Variants in METTL6 observed in about 807,000 individuals in gnomAD.
METTL6 encodes tRNA N(3)-cytidine methyltransferase METTL6.
In METTL6, 22 loss-of-function variants were observed where a neutral mutation model predicts 26.4. The observed-to-expected ratio is 0.83, with a 90% CI of 0.59 to 1.19. METTL6 has a LOEUF of 1.19. METTL6 is among the 50% of genes most tolerant of loss of function. METTL6 has a pLI of 0.00. For synonymous variants in METTL6, 109 were observed against 116.2 expected (o/e 0.94, Z 0.40); for missense variants, 304 against 324.8 (o/e 0.94, Z 0.49).
downstream of METTL6, among the ~76,000 whole-genome samples, chr3:15,405,433 A>G (rs1001280725): frequency 5.9e-5 from 9 of 152,226 alleles, no homozygotes; most frequent in African/African-American, 2.2e-4. Flanking sequence ...AATATTTTCT[A>G]TGCTCTTCAA....
downstream of METTL6, among the ~76,000 whole-genome samples, chr3:15,407,483 AGAC>A (rs1262501227): frequency 6.6e-6 from 1 of 152,238 alleles, no homozygotes; most frequent in African/African-American, 2.4e-5. Context: ...TGGCAAAGGA[AGAC>A]GACTTCATCA....
At chr3:15,391,731 G>A (rs1411614710) in intron 6 of METTL6, among the ~76,000 whole-genome samples, 1 of 140,748 alleles carries the variant, frequency 7.1e-6, no homozygotes, top group African/African-American at 2.7e-5. Flanking sequence ...TCCCACCTAT[G>A]AGTGAGAACA....
intron 5 of METTL6, among the ~76,000 whole-genome samples, chr3:15,412,755 A>C (rs1215897562): frequency 6.6e-6 from 1 of 151,928 alleles, no homozygotes; most frequent in East Asian, 1.9e-4. Flanking sequence ...CTCCCAAATA[A>C]TTTTGCAGCT....
chr3:15,422,647 T>A (rs1362422861), intron 3 of METTL6, among the ~76,000 whole-genome samples: 1 of 151,820 alleles, frequency 6.6e-6, no homozygotes, highest in Non-Finnish European at 1.5e-5. Context: ...ATAATAAGAT[T>A]AACTTAAAAA....
At chr3:15,415,043 A>AAAC (rs1559492053) in intron 4 of METTL6, 39 of 759,236 alleles carry the variant, frequency 5.1e-5, no homozygotes, top group East Asian at 4.2e-4. Context: ...GTCTCTTAAA[A>AAAC]AAACAAACAA....
At chr3:15,414,747 A>C in intron 4 of METTL6, 1 of 422,286 alleles carries the variant, frequency 2.4e-6, no homozygotes, top group South Asian at 1.8e-5. Context: ...ATATAGTGAG[A>C]CCCCATCTCT....
intron 3 of METTL6, among the ~76,000 whole-genome samples, chr3:15,421,193 GTTTA>G (rs2061604552): frequency 1.3e-5 from 2 of 152,146 alleles, no homozygotes; most frequent in Admixed American, 6.5e-5. Context: ...TGTGGACAGA[GTTTA>G]TTATTTTGCA....
intron 6 of METTL6, among the ~76,000 whole-genome samples, chr3:15,388,483 G>C (rs749203256): frequency 4.6e-5 from 7 of 152,114 alleles, no homozygotes; most frequent in African/African-American, 7.2e-5. Flanking sequence ...TGATTGATCA[G>C]GTCAGAGATA....
At position 15,413,676 on chromosome 3, in the gene METTL6, T is replaced by C. The variant is rs1310132467; in HGVS notation, c.673+345A>G. On this transcript the variant is annotated intron_variant, in intron 5 of 5. Coordinates refer to ENST00000383790, the MANE Select transcript of METTL6 (RefSeq NM_152396.4). ...AAAGTAATCTCAAGGCATTATACTG[T>C]CAAATTTGCTTTATTTTTAACTGGA... The C allele has an allele frequency of 1.1e-5, 13 of 1,216,472 alleles. No homozygotes were observed. The East Asian group carries it at 6.4e-4, about 59-fold the overall frequency. The allele number at this position is 1,216,472 out of a possible 1,614,324, so 75.4% of individuals were successfully genotyped here.
chr3:15,392,748 T>C (rs912617706), intron 6 of METTL6, among the ~76,000 whole-genome samples: 1 of 152,348 alleles, frequency 6.6e-6, no homozygotes, highest in African/African-American at 2.4e-5. Flanking sequence ...ATTTATTAAA[T>C]AGGGAATCCT....
chr3:15,414,525 T>A (rs1460114328), intron 4 of METTL6: 1 of 282,618 alleles, frequency 3.5e-6, no homozygotes, highest in Non-Finnish European at 6.3e-6. Flanking sequence ...CCGGCTAATT[T>A]TTGTATTTTA....
At position 15,417,452 on chromosome 3, in the gene METTL6, AAAATAAATAAATAAAT is replaced by A. The variant is rs35596746; in HGVS notation, c.361-1526_361-1511del. ...CCTGCATGATAGAGACTCTGTCTCA[AAAATAAATAAATAAAT>A]AAATAAATAAATAAATAAAATAGAA... On this transcript the variant is annotated intron_variant, in intron 3 of 5. Coordinates refer to ENST00000383790, the MANE Select transcript of METTL6 (RefSeq NM_152396.4). Among the ~76,000 whole-genome samples the A allele has an allele frequency of 4.2e-5, 6 of 142,610 alleles. No homozygotes were observed. The South Asian group carries it at 6.8e-4, about 16-fold the overall frequency. The allele number at this position is 142,610 out of a possible 152,430, so 93.6% of individuals were successfully genotyped here.
At chr3:15,421,801 A>C (rs2061616527) in intron 3 of METTL6, among the ~76,000 whole-genome samples, 1 of 152,154 alleles carries the variant, frequency 6.6e-6, no homozygotes, top group South Asian at 2.1e-4. Context: ...AATCCCAGCT[A>C]CTTGGGAGGC....
downstream of METTL6, among the ~76,000 whole-genome samples, chr3:15,406,849 C>T (rs1575409876): frequency 6.6e-6 from 1 of 151,816 alleles, no homozygotes; most frequent in Non-Finnish European, 1.5e-5. Context: ...AAGCTAGTCT[C>T]GAACTCCTGA....
intron 6 of METTL6, among the ~76,000 whole-genome samples, chr3:15,400,562 T>C (rs915614376): frequency 6.6e-6 from 1 of 152,210 alleles, no homozygotes; most frequent in Non-Finnish European, 1.5e-5. Flanking sequence ...ATTTAGCTCA[T>C]GGTGGGTAGG....
chr3:15,411,877 C>T (rs984389382), intron 5 of METTL6, among the ~76,000 whole-genome samples: 1 of 152,018 alleles, frequency 6.6e-6, no homozygotes, highest in East Asian at 1.9e-4. Flanking sequence ...ATTCTCCTGC[C>T]TCAGCCTCTT....
chr3:15,423,066 G>T (rs1040725570), intron 3 of METTL6, among the ~76,000 whole-genome samples: 3 of 152,184 alleles, frequency 2.0e-5, no homozygotes, highest in African/African-American at 7.2e-5. Context: ...AGAGGTATGG[G>T]GTAGGGCAAG....
chr3:15,416,762 T>C, intron 3 of METTL6, among the ~76,000 whole-genome samples: 1 of 152,206 alleles, frequency 6.6e-6, no homozygotes, highest in African/African-American at 2.4e-5. Context: ...AACACATGTA[T>C]AGGAGTATTA....
chr3:15,411,848 C>T (rs1246709225), intron 5 of METTL6, among the ~76,000 whole-genome samples: 2 of 151,970 alleles, frequency 1.3e-5, no homozygotes, highest in African/African-American at 4.8e-5. Context: ...CTGCAACCTC[C>T]GATTCCTGGG....
Sources: allele counts gnomAD v4.1 joint callset (sites outside exome capture counted in the v4.1 genomes callset), GRCh38; gene constraint gnomAD v4.1.1; transcripts MANE v1.5; gene names NCBI Gene and HGNC (gene_info 2026-07-23, HGNC 2026-07-21).